CMSS1: variants seen among roughly 807,000 people sequenced by gnomAD.
CMSS1 encodes protein CMSS1.
In CMSS1, 33 loss-of-function variants were observed where a neutral mutation model predicts 43.5. The ratio of observed to expected loss-of-function variants is 0.76; its 90% CI spans 0.57 to 1.01. The LOEUF is 1.01. Among genes scored for constraint, CMSS1 ranks in the 50% least tolerant of loss-of-function variants. The pLI is 0.00. For missense variants in CMSS1, 313 were observed against 326.4 expected (o/e 0.96, Z 0.32); for synonymous variants, 115 against 117.2 (o/e 0.98, Z 0.12).
At chr3:100,177,001 T>C (rs1302802817) in intron 9 of CMSS1, among the ~76,000 whole-genome samples, 1 of 152,212 alleles carries the variant, frequency 6.6e-6, no homozygotes, top group African/African-American at 2.4e-5. Context: ...GTGAAAAAAT[T>C]ACTTTGCCAC....
intron 1 of CMSS1, among the ~76,000 whole-genome samples, chr3:100,124,742 C>T (rs1261350876): frequency 6.6e-6 from 1 of 152,176 alleles, no homozygotes; most frequent in Non-Finnish European, 1.5e-5. Flanking sequence ...CACTCCTCAG[C>T]GAGGTAGTAA....
chr3:100,134,265 A>G (rs897545901), intron 1 of CMSS1, among the ~76,000 whole-genome samples: 2 of 152,138 alleles, frequency 1.3e-5, no homozygotes, highest in African/African-American at 2.4e-5. Context: ...CATCCAGGGT[A>G]TATAGCATTC....
At chr3:99,993,145 T>C (rs1170288420) in intron 1 of CMSS1, among the ~76,000 whole-genome samples, 2 of 151,980 alleles carry the variant, frequency 1.3e-5, no homozygotes, top group African/African-American at 2.4e-5. Context: ...CTATTTGAGC[T>C]TTTTTTGGGT....
chr3:100,037,048 A>G (rs1034077200), intron 1 of CMSS1, among the ~76,000 whole-genome samples: 5 of 152,186 alleles, frequency 3.3e-5, no homozygotes, highest in Non-Finnish European at 4.4e-5. Flanking sequence ...TAAAAACTAA[A>G]TGTGTGGGTT....
At chr3:100,014,577 T>G (rs998900811) in intron 1 of CMSS1, among the ~76,000 whole-genome samples, 2 of 152,158 alleles carry the variant, frequency 1.3e-5, no homozygotes, top group Non-Finnish European at 2.9e-5. Context: ...AAATTTTGTT[T>G]CCCTGATGTC....
intron 1 of CMSS1, among the ~76,000 whole-genome samples, chr3:100,120,419 G>A (rs1286257638): frequency 6.6e-6 from 1 of 152,090 alleles, no homozygotes; most frequent in Non-Finnish European, 1.5e-5. Context: ...TCTTCTCCTT[G>A]GCTAAAAGAT....
At chr3:100,143,663 A>G (rs1050021766) in intron 1 of CMSS1, among the ~76,000 whole-genome samples, 1 of 152,150 alleles carries the variant, frequency 6.6e-6, no homozygotes, top group Non-Finnish European at 1.5e-5. Context: ...CAAGTCAATT[A>G]TGGATTTATC....
chr3:100,105,700 G>A (rs1190908881), intron 1 of CMSS1, among the ~76,000 whole-genome samples: 3 of 152,134 alleles, frequency 2.0e-5, no homozygotes, highest in Non-Finnish European at 4.4e-5. Flanking sequence ...AAAAACAACT[G>A]CTAGGTCAAG....
At chr3:100,039,996 GC>G (rs2065177076) in intron 1 of CMSS1, 1 of 152,050 alleles carries the variant, frequency 6.6e-6, no homozygotes, top group Non-Finnish European at 1.5e-5. Context: ...CTCATCATCC[GC>G]CCACCTTGGC....
chr3:100,077,833 A>C (rs968267774), intron 1 of CMSS1, among the ~76,000 whole-genome samples: 3 of 152,162 alleles, frequency 2.0e-5, no homozygotes, highest in African/African-American at 7.2e-5. Flanking sequence ...ACTTGAGCCC[A>C]GGAGGTAGAG....
chr3:99,964,578 A>G lies in CMSS1; in HGVS notation c.64+146535A>G, dbSNP rs994216810. 3.3e-5 allele frequency among the ~76,000 whole-genome samples: 5 copies of G among 151,918 alleles called. No individual in the cohort carries two copies. In the South Asian group the frequency reaches 1.0e-3, roughly 32 times the overall value. On this transcript the variant is annotated intron_variant, in intron 1 of 9. Coordinates refer to ENST00000421999, the MANE Select transcript of CMSS1 (RefSeq NM_032359.4). ...GTTCTTTGCACCATATCACTCTGAC[A>G]TTGAATCAGGTTCTTGTAGTGATCT...
intron 1 of CMSS1, among the ~76,000 whole-genome samples, chr3:99,944,305 C>G (rs1365049183): frequency 1.3e-5 from 2 of 152,176 alleles, no homozygotes; most frequent in Non-Finnish European, 2.9e-5. Flanking sequence ...GAACTATGAT[C>G]CTGCCAGTTT....
intron 1 of CMSS1, among the ~76,000 whole-genome samples, chr3:99,988,010 A>G (rs1468787417): frequency 1.3e-5 from 2 of 152,146 alleles, no homozygotes; most frequent in African/African-American, 4.8e-5. Context: ...ATCAAATGAA[A>G]GTAAAAAAGA....
At chr3:99,843,897 T>G (rs1468084459) in intron 1 of CMSS1, among the ~76,000 whole-genome samples, 3 of 152,306 alleles carry the variant, frequency 2.0e-5, no homozygotes, top group African/African-American at 7.2e-5. Flanking sequence ...TATTGTGAAC[T>G]GCACATGCGA....
At chr3:100,176,558 T>C in intron 9 of CMSS1, 143 bp downstream of exon 9, 1 of 596,852 alleles carries the variant, frequency 1.7e-6, no homozygotes, top group Non-Finnish European at 3.0e-6. Context: ...CTGAGCTAAC[T>C]ATAATTATAG....
chr3:100,135,438 ATGTGTGTGTGTGTGTGTGTGTGTGTG>A (rs71132511), intron 1 of CMSS1, among the ~76,000 whole-genome samples: 2 of 120,734 alleles, frequency 1.7e-5, no homozygotes, highest in Admixed American at 1.7e-4. Context: ...GTGTGTGTGC[ATGTGTGTGTGTGTGTGTGTGTGTGTG>A]TGTGTGTGTG....
chr3:99,929,840 C>T, intron 1 of CMSS1: 1 of 1,600,208 alleles, frequency 6.2e-7, no homozygotes, highest in Non-Finnish European at 8.5e-7. Context: ...GTACACACCC[C>T]TATTGTGGTA....
intron 1 of CMSS1, chr3:99,876,217 T>A: frequency 1.0e-6 from 1 of 985,314 alleles, no homozygotes; most frequent in Non-Finnish European, 1.2e-6. Flanking sequence ...GTTACGTCAC[T>A]GTTCTGCCTT....
intron 1 of CMSS1, among the ~76,000 whole-genome samples, chr3:100,031,638 G>C (rs555043386): frequency 6.6e-6 from 1 of 151,722 alleles, no homozygotes; most frequent in Non-Finnish European, 1.5e-5. Context: ...TTTAACTAAC[G>C]CATTCTCTCC....
Sources: gnomAD v4.1 joint callset for allele counts (sites outside exome capture counted in the v4.1 genomes callset) on GRCh38, gnomAD v4.1.1 for gene constraint, MANE v1.5 for transcripts, NCBI Gene and HGNC (gene_info 2026-07-23, HGNC 2026-07-21) for gene names.